The following CLASP1 variants were observed in gnomAD, a reference collection of about 807,000 sequenced individuals.
CLASP1 encodes the protein cytoplasmic linker associated protein 1, also known as CLIP-associating protein 1.
Under a neutral mutation model 192.3 loss-of-function variants are expected in CLASP1, and 38 were observed. That is an observed-to-expected ratio of 0.20 (90% CI 0.15 to 0.26). CLASP1 has a LOEUF of 0.26. Ranked by LOEUF, CLASP1 falls within the 10% of genes least tolerant of loss-of-function variation. The probability of loss-of-function intolerance (pLI) is 1.00; values close to 1 mark genes in which losing one functional copy is unlikely to be tolerated. For missense variants in CLASP1, 1,433 were observed against 1,932.5 expected (o/e 0.74, Z 4.85); for synonymous variants, 691 against 712.8 (o/e 0.97, Z 0.49).
At chr2:121,567,462 T>C (rs898490203) in intron 2 of CLASP1, among the ~76,000 whole-genome samples, 2 of 152,222 alleles carry the variant, frequency 1.3e-5, no homozygotes, top group Non-Finnish European at 2.9e-5. Context: ...ATCCTGCCTA[T>C]CTTATAAGAT....
At chr2:121,512,050 T>C (rs2094152594) in intron 7 of CLASP1, among the ~76,000 whole-genome samples, 2 of 152,198 alleles carry the variant, frequency 1.3e-5, no homozygotes, top group East Asian at 1.9e-4. Context: ...CGAGTAAATA[T>C]TATGAAATGT....
chr2:121,438,248 G>C (rs1431688302), intron 19 of CLASP1, among the ~76,000 whole-genome samples: 1 of 152,200 alleles, frequency 6.6e-6, no homozygotes, highest in Non-Finnish European at 1.5e-5. Context: ...CATTAGCTTG[G>C]AGTCTTCCAA....
At chr2:121,621,837 G>GT (rs1031202126) in intron 1 of CLASP1, among the ~76,000 whole-genome samples, 6 of 151,926 alleles carry the variant, frequency 3.9e-5, no homozygotes, top group Non-Finnish European at 7.4e-5. Flanking sequence ...AGGCAACTGG[G>GT]TTTTTTTGTT....
chr2:121,559,361 A>G (rs994035520), intron 2 of CLASP1, among the ~76,000 whole-genome samples: 2 of 152,222 alleles, frequency 1.3e-5, no homozygotes, highest in African/African-American at 4.8e-5. Flanking sequence ...TACCCAAGAG[A>G]TTTAAAAATC....
chr2:121,618,125 C>A (rs2066752250), intron 1 of CLASP1, among the ~76,000 whole-genome samples: 1 of 152,240 alleles, frequency 6.6e-6, no homozygotes, highest in Non-Finnish European at 1.5e-5. Flanking sequence ...AGGTGCAATT[C>A]TACCACGTAT....
chr2:121,566,203 A>G (rs1431132052), intron 2 of CLASP1, among the ~76,000 whole-genome samples: 1 of 152,190 alleles, frequency 6.6e-6, no homozygotes, highest in Non-Finnish European at 1.5e-5. Flanking sequence ...TGTGGGTGCA[A>G]AAAGAGAAAT....
chr2:121,528,880 C>T (rs1193572791), intron 3 of CLASP1, 100 bp from the exon 4 acceptor site: 1 of 870,106 alleles, frequency 1.1e-6, no homozygotes, highest in Non-Finnish European at 1.9e-6. Context: ...AAACCCCTGA[C>T]CTAAATGATG....
At chr2:121,348,459 G>A in intron 38 of CLASP1, 53 bp downstream of exon 39, 2 of 1,506,338 alleles carry the variant, frequency 1.3e-6, no homozygotes, top group East Asian at 2.4e-5. Context: ...ATTACTTCAA[G>A]TTAGGCAACC....
intron 8 of CLASP1, among the ~76,000 whole-genome samples, chr2:121,492,674 T>TAA (rs200482614): frequency 8.9e-5 from 11 of 123,890 alleles, no homozygotes; most frequent in African/African-American, 1.6e-4. Flanking sequence ...TTAAAAAAAA[T>TAA]AAAAAAAAAA....
chr2:121,497,748 C>G, intron 8 of CLASP1, among the ~76,000 whole-genome samples: 1 of 152,132 alleles, frequency 6.6e-6, no homozygotes, highest in East Asian at 1.9e-4. Context: ...TAGATGGAGT[C>G]TTGCTCTGTC....
At chr2:121,389,612 T>C (rs897796860) in intron 30 of CLASP1, among the ~76,000 whole-genome samples, 3 of 152,222 alleles carry the variant, frequency 2.0e-5, no homozygotes, top group African/African-American at 7.2e-5. Flanking sequence ...ATTTTGTTGG[T>C]TGAAAATGGC....
chr2:121,622,536 T>C (rs2067544410), intron 1 of CLASP1, among the ~76,000 whole-genome samples: 1 of 150,484 alleles, frequency 6.6e-6, no homozygotes, highest in African/African-American at 2.5e-5. Flanking sequence ...GCCACTGCAC[T>C]CCAGCGTGGG....
intron 8 of CLASP1, among the ~76,000 whole-genome samples, chr2:121,491,147 T>C (rs1359333788): frequency 6.6e-6 from 1 of 152,236 alleles, no homozygotes. Context: ...AAGTTATAGT[T>C]GTTTAAGTGT....
At chr2:121,583,984 C>G (rs2061469894) in intron 2 of CLASP1, among the ~76,000 whole-genome samples, 2 of 151,982 alleles carry the variant, frequency 1.3e-5, no homozygotes, top group African/African-American at 4.8e-5. Context: ...GAGGACACAG[C>G]GTTTGTCCCT....
rs145617463 is a variant in CLASP1, at chr2:121,587,013, C to T, written c.195+18688G>A. On this transcript the variant is annotated intron_variant, in intron 2 of 39. Coordinates refer to ENST00000263710, the Ensembl canonical transcript of CLASP1. ...ATCCCAACACTTTGGGAGGCCGAGG[C>T]GGGCGGATCACAAAGTCAGTAGTTC... 6.6e-3 allele frequency among the ~76,000 whole-genome samples: 1,003 copies of T among 152,170 alleles called. 15 individuals carry two copies. Among genetic ancestry groups the T allele is most frequent in the African/African-American group, 0.023 (958 of 41,536 alleles).
chr2:121,459,082 C>T, intron 12 of CLASP1, 107 bp from the exon 13 acceptor site: 1 of 785,868 alleles, frequency 1.3e-6, no homozygotes, highest in Non-Finnish European at 1.9e-6. Context: ...CTAGAAAGGA[C>T]AAGGGTCTGA....
chr2:121,620,079 G>A (rs551970154), intron 1 of CLASP1, among the ~76,000 whole-genome samples: 14 of 151,932 alleles, frequency 9.2e-5, no homozygotes, highest in East Asian at 7.9e-4. Context: ...AAAAGTAGCC[G>A]GGAGTGGTGG....
chr2:121,443,386 A>G (rs2083711128), intron 19 of CLASP1, among the ~76,000 whole-genome samples: 1 of 152,050 alleles, frequency 6.6e-6, no homozygotes, highest in South Asian at 2.1e-4. Context: ...AAAACATATA[A>G]TTTCCCATGT....
intron 8 of CLASP1, among the ~76,000 whole-genome samples, chr2:121,483,474 A>G (rs2092747879): frequency 6.6e-6 from 1 of 151,768 alleles, no homozygotes; most frequent in Non-Finnish European, 1.5e-5. Context: ...GTGTGTGTAT[A>G]TATGTATGTA....
Sources: allele counts gnomAD v4.1 joint callset (sites outside exome capture counted in the v4.1 genomes callset), GRCh38; gene constraint gnomAD v4.1.1; transcripts MANE v1.5; gene names NCBI Gene and HGNC (gene_info 2026-07-23, HGNC 2026-07-21).